Variants in ZMAT4 observed in about 807,000 individuals in gnomAD.
ZMAT4 encodes zinc finger matrin-type 4, also known as zinc finger matrin-type protein 4.
A neutral mutation model predicts 28.7 loss-of-function variants in ZMAT4; 17 were observed. The observed-to-expected ratio is 0.59, with a 90% CI of 0.41 to 0.89. The LOEUF is 0.89. Among genes scored for constraint, ZMAT4 ranks in the 40% least tolerant of loss-of-function variants. ZMAT4 has a pLI of 0.00. For missense variants in ZMAT4, 240 were observed against 283.8 expected, an observed-to-expected ratio of 0.85 and a Z score of 1.11; for synonymous variants, 117 against 109.2, an observed-to-expected ratio of 1.07 and a Z score of -0.44.
intron 5 of ZMAT4, among the ~76,000 whole-genome samples, chr8:40,621,263 C>T (rs577379192): frequency 6.6e-6 from 1 of 152,326 alleles, no homozygotes; most frequent in Admixed American, 6.5e-5. Context: ...CAGGAAAACT[C>T]ACCAGGTGGG....
chr8:40,589,731 C>CCTCTCTTTCTTTCTTTCTTTCTTTCTTT (rs1804794173), intron 5 of ZMAT4, among the ~76,000 whole-genome samples: 1 of 139,274 alleles, frequency 7.2e-6, no homozygotes, highest in Non-Finnish European at 1.6e-5. Flanking sequence ...TTCTTCCTTT[C>CCTCTCTTTCTTTCTTTCTTTCTTTCTTT]CTTTCTTTCT....
chr8:40,881,439 GAAA>G (rs1818224299), intron 1 of ZMAT4, among the ~76,000 whole-genome samples: 1 of 79,506 alleles, frequency 1.3e-5, no homozygotes, highest in African/African-American at 4.4e-5. Flanking sequence ...AAGAGAGAAA[GAAA>G]GAAAGAAAGA....
chr8:40,718,188 C>T (rs2150514004), intron 3 of ZMAT4, among the ~76,000 whole-genome samples: 1 of 152,350 alleles, frequency 6.6e-6, no homozygotes, highest in South Asian at 2.1e-4. Flanking sequence ...ACCAACACAG[C>T]ATCCTGCACT....
intron 3 of ZMAT4, among the ~76,000 whole-genome samples, chr8:40,759,374 T>A (rs1444345989): frequency 3.3e-5 from 5 of 151,884 alleles, no homozygotes; most frequent in Admixed American, 6.6e-5. Flanking sequence ...TGCGATCATA[T>A]GTAAAGGTCA....
intron 1 of ZMAT4, among the ~76,000 whole-genome samples, chr8:40,831,563 T>A (rs560965502): frequency 1.3e-5 from 2 of 152,320 alleles, no homozygotes; most frequent in South Asian, 4.1e-4. Context: ...GGCTTGGTGT[T>A]CCCCACCAGG....
intron 3 of ZMAT4, among the ~76,000 whole-genome samples, chr8:40,706,859 C>A (rs879871483): frequency 1.3e-5 from 2 of 152,146 alleles, no homozygotes; most frequent in Admixed American, 1.3e-4. Context: ...GATTCAGTCC[C>A]ACTGAAAGGT....
At chr8:40,699,224 T>C (rs1810024506) in intron 3 of ZMAT4, among the ~76,000 whole-genome samples, 1 of 151,968 alleles carries the variant, frequency 6.6e-6, no homozygotes, top group South Asian at 2.1e-4. Flanking sequence ...TTCCAGCCCA[T>C]TAAATGAGGA....
chr8:40,621,659 A>C (rs1806202621), intron 5 of ZMAT4, among the ~76,000 whole-genome samples: 1 of 152,210 alleles, frequency 6.6e-6, no homozygotes, highest in Non-Finnish European at 1.5e-5. Context: ...TGCCTTGGGC[A>C]TGCTTAGTAT....
intron 3 of ZMAT4, among the ~76,000 whole-genome samples, chr8:40,733,035 A>C (rs1017965670): frequency 3.3e-5 from 5 of 151,588 alleles, no homozygotes; most frequent in Admixed American, 1.3e-4. Context: ...ATTATCTTAG[A>C]GGTCTTGCTA....
chr8:40,677,797 C>T (rs1408901356), intron 4 of ZMAT4, among the ~76,000 whole-genome samples: 1 of 152,160 alleles, frequency 6.6e-6, no homozygotes, highest in East Asian at 1.9e-4. Context: ...CTTTAGTTGA[C>T]ATGTAGTTAA....
rs1812907248 is a variant in ZMAT4 at position 40,760,802 on chromosome 8, C to T, written c.192+6839G>A. Among the ~76,000 whole-genome samples, 4 of 151,694 alleles carry T rather than the reference C, an allele frequency of 2.6e-5. No individual in the cohort carries two copies. The South Asian group carries it at 8.3e-4, about 32-fold the overall frequency. On this transcript the variant is annotated intron_variant, in intron 3 of 6. Transcript: ENST00000297737. ...TCTCTCTCTCTCTCTCGTGCTTTTG[C>T]ACCATGCACCTGCAAGTTGCACAGA...
chr8:40,558,313 C>T (rs1235905350), intron 6 of ZMAT4, among the ~76,000 whole-genome samples: 1 of 152,124 alleles, frequency 6.6e-6, no homozygotes, highest in Non-Finnish European at 1.5e-5. Context: ...TTCCAATGTT[C>T]ACTCTGGCTG....
intron 5 of ZMAT4, among the ~76,000 whole-genome samples, chr8:40,653,016 T>C (rs546844041): frequency 1.2e-4 from 18 of 151,806 alleles, no homozygotes; most frequent in Non-Finnish European, 2.5e-4. Flanking sequence ...TGCACCAGCA[T>C]GGCACATGTA....
intron 5 of ZMAT4, among the ~76,000 whole-genome samples, chr8:40,588,490 G>C (rs1380533725): frequency 6.6e-6 from 1 of 151,916 alleles, no homozygotes; most frequent in Non-Finnish European, 1.5e-5. Flanking sequence ...CATAAAAGAA[G>C]ACATAAAAAT....
intron 3 of ZMAT4, among the ~76,000 whole-genome samples, chr8:40,760,404 C>A (rs1024840157): frequency 2.6e-5 from 4 of 152,154 alleles, no homozygotes; most frequent in Non-Finnish European, 5.9e-5. Context: ...AGGAACCGAG[C>A]CCCTCCTACT....
chr8:40,856,450 C>G (rs1817302819), intron 1 of ZMAT4, among the ~76,000 whole-genome samples: 1 of 152,110 alleles, frequency 6.6e-6, no homozygotes, highest in Admixed American at 6.5e-5. Flanking sequence ...GTCTGTGTAC[C>G]ACTTGGCAGG....
At chr8:40,849,917 C>T (rs1042139498) in intron 1 of ZMAT4, among the ~76,000 whole-genome samples, 2 of 152,182 alleles carry the variant, frequency 1.3e-5, no homozygotes, top group Non-Finnish European at 2.9e-5. Flanking sequence ...GGCTTCCCCA[C>T]CTAGTACCTG....
At chr8:40,613,183 T>TC (rs1554527302) in intron 5 of ZMAT4, among the ~76,000 whole-genome samples, 51 of 122,804 alleles carry the variant, frequency 4.2e-4, no homozygotes, top group South Asian at 3.0e-3. Flanking sequence ...TTTCTTTCTT[T>TC]TTTTTTTTTT....
intron 5 of ZMAT4, among the ~76,000 whole-genome samples, chr8:40,594,092 A>G (rs2118589658): frequency 6.6e-6 from 1 of 152,326 alleles, no homozygotes; most frequent in Non-Finnish European, 1.5e-5. Flanking sequence ...CCGAGGCACC[A>G]AAGCCAGATG....
Sources: allele counts gnomAD v4.1 joint callset (sites outside exome capture counted in the v4.1 genomes callset), GRCh38; gene constraint gnomAD v4.1.1; transcripts MANE v1.5; gene names NCBI Gene and HGNC (gene_info 2026-07-23, HGNC 2026-07-21).